EPS15: variants seen among roughly 807,000 people sequenced by gnomAD.
EPS15 encodes the protein epidermal growth factor receptor pathway substrate 15, also known as epidermal growth factor receptor substrate 15.
Under a neutral mutation model 113.8 loss-of-function variants are expected in EPS15, and 72 were observed. The observed-to-expected ratio is 0.63, with a 90% CI of 0.52 to 0.77. EPS15 has a LOEUF of 0.77. EPS15 is among the 30% of genes least tolerant of loss of function. The pLI is 0.00. For missense variants in EPS15, 1,048 were observed against 1,045.8 expected (o/e 1.00, Z -0.03); for synonymous variants, 344 against 363.4 (o/e 0.95, Z 0.61).
intron 1 of EPS15, among the ~76,000 whole-genome samples, chr1:51,501,375 G>A (rs1471501439): frequency 6.6e-6 from 1 of 152,076 alleles, no homozygotes; most frequent in African/African-American, 2.4e-5. Context: ...ACCATTGTCA[G>A]CCTGGGTAAC....
chr1:51,498,762 T>C (rs1486759756), intron 1 of EPS15, among the ~76,000 whole-genome samples: 1 of 152,188 alleles, frequency 6.6e-6, no homozygotes, highest in Non-Finnish European at 1.5e-5. Flanking sequence ...ACCTGGTAAA[T>C]ACATTTCTAT....
intron 1 of EPS15, 25 bp from the exon 2 acceptor site, chr1:51,481,339 T>A (rs1256285440): frequency 2.0e-6 from 2 of 986,720 alleles, no homozygotes; most frequent in African/African-American, 3.2e-5. Context: ...TTAATAAAAA[T>A]TAGATGCTAT....
Position 51,406,446 on chromosome 1 carries a change from G to C in EPS15, c.1474-338C>G, listed in dbSNP as rs553789650. The stretch of plus-strand genomic sequence containing the variant: ...GCCATGATCACACCACTGCACTCGA[G>C]TGACAGAATGAGACCCTGTCTCAAA... On this transcript the variant is annotated intron_variant, in intron 15 of 24. Coordinates refer to ENST00000371733, the MANE Select transcript of EPS15 (RefSeq NM_001981.3). Among the ~76,000 whole-genome samples, 3 of 152,220 alleles carry C rather than the reference G, an allele frequency of 2.0e-5. No homozygotes were observed. In the South Asian group the frequency reaches 6.2e-4, roughly 32 times the overall value.
At chr1:51,395,523 T>TACACACACACACACAC (rs139866618) in intron 20 of EPS15, among the ~76,000 whole-genome samples, 2 of 150,568 alleles carry the variant, frequency 1.3e-5, no homozygotes, top group Non-Finnish European at 3.0e-5. Context: ...CATACACACA[T>TACACACACACACACAC]ACACACACAC....
chr1:51,519,235 GT>G lies in EPS15; in HGVS notation c.-5del. ...AGAGCTGGGCCGCCGCAGCCATGGT[GT>G]TTCCATCATGCAAGGGAGGGGAAGG... On this transcript the variant is annotated 5_prime_UTR_variant, in exon 1 of 25. Transcript: ENST00000371733. 1 of 1,236,810 alleles carries G rather than the reference GT, an allele frequency of 8.1e-7. No individual in the cohort carries two copies. The highest frequency in any genetic ancestry group is 1.8e-5 in the South Asian group (1 of 54,802). 76.6% of individuals were successfully genotyped at this position (1,236,810 alleles called of 1,614,324 possible).
intron 5 of EPS15, 25 bp from the exon 6 acceptor site, chr1:51,465,351 A>C (rs956178365): frequency 6.5e-7 from 1 of 1,527,400 alleles, no homozygotes. Flanking sequence ...AAAGCACAAC[A>C]AGAGTTGAAA....
At chr1:51,474,967 T>C (rs1040785213) in intron 2 of EPS15, among the ~76,000 whole-genome samples, 1 of 152,056 alleles carries the variant, frequency 6.6e-6, no homozygotes, top group Admixed American at 6.6e-5. Flanking sequence ...TTGCTCAGAA[T>C]GATGGTTTCC....
At chr1:51,508,282 AAG>A (rs1233949709) in intron 1 of EPS15, among the ~76,000 whole-genome samples, 1 of 142,188 alleles carries the variant, frequency 7.0e-6, no homozygotes, top group Non-Finnish European at 1.5e-5. Context: ...GAAAGAGAGA[AAG>A]AGAGAAAGAG....
At chr1:51,366,427 A>C (rs894288337) in intron 21 of EPS15, among the ~76,000 whole-genome samples, 6 of 152,206 alleles carry the variant, frequency 3.9e-5, no homozygotes, top group African/African-American at 1.4e-4. Flanking sequence ...GAAAACATAC[A>C]ATCTCAAATA....
Position 51,364,012 on chromosome 1 carries a change from G to C in EPS15, c.2213C>G (p.Pro738Arg). The change falls in exon 23 of 25, where the codon CCT becomes CGT. Residue 738 changes from proline (P) to arginine (R), a missense_variant. Coordinates refer to ENST00000371733, the MANE Select transcript of EPS15 (RefSeq NM_001981.3). ...AGAGCTCGATGTGGCTGAACGAAAA[G>C]GATCTTCATTGTTGACCTTTGTTTA... ...STLSKVNNED[P>R]FRSATSSSVS... 8 of 1,611,766 alleles carry C rather than the reference G, an allele frequency of 5.0e-6. No homozygotes were observed. Among genetic ancestry groups the C allele is most frequent in the Non-Finnish European group, 6.8e-6 (8 of 1,178,792 alleles).
intron 7 of EPS15, 134 bp downstream of exon 7, chr1:51,463,539 C>T (rs1654627941): frequency 1.9e-6 from 1 of 532,098 alleles, no homozygotes; most frequent in South Asian, 3.8e-5. Context: ...AGTCAGAAAA[C>T]AAAAAATCCT....
At chr1:51,395,600 C>G (rs952105799) in intron 20 of EPS15, among the ~76,000 whole-genome samples, 2 of 152,138 alleles carry the variant, frequency 1.3e-5, no homozygotes, top group Non-Finnish European at 2.9e-5. Context: ...ATGTAAAAGT[C>G]TGGGATCAAG....
chr1:51,492,291 G>A (rs1418416583), intron 1 of EPS15, among the ~76,000 whole-genome samples: 1 of 152,060 alleles, frequency 6.6e-6, no homozygotes, highest in East Asian at 1.9e-4. Flanking sequence ...GCTACCTTCT[G>A]CAAACACGCT....
chr1:51,514,551 T>C (rs532905697), intron 1 of EPS15, among the ~76,000 whole-genome samples: 1 of 152,294 alleles, frequency 6.6e-6, no homozygotes, highest in South Asian at 2.1e-4. Context: ...AAAGAACAAG[T>C]AAAATATCTT....
At chr1:51,411,778 C>A (rs1465986076) in intron 13 of EPS15, among the ~76,000 whole-genome samples, 3 of 152,138 alleles carry the variant, frequency 2.0e-5, no homozygotes, top group African/African-American at 7.2e-5. Flanking sequence ...ATTAGTTCAA[C>A]CATTGTGGAA....
intron 12 of EPS15, among the ~76,000 whole-genome samples, chr1:51,439,748 G>A (rs1652438046): frequency 6.6e-6 from 1 of 151,764 alleles, no homozygotes; most frequent in Admixed American, 6.6e-5. Flanking sequence ...TCAGGTATCA[G>A]CTCTGCAGCT....
chr1:51,414,463 C>T (rs1650028095), intron 13 of EPS15, among the ~76,000 whole-genome samples: 1 of 151,868 alleles, frequency 6.6e-6, no homozygotes, highest in African/African-American at 2.4e-5. Context: ...GAATTCCTTA[C>T]TTTGTTCATA....
At chr1:51,484,904 T>C (rs1297760234) in intron 1 of EPS15, among the ~76,000 whole-genome samples, 3 of 152,234 alleles carry the variant, frequency 2.0e-5, no homozygotes, top group Admixed American at 6.5e-5. Flanking sequence ...AAGTCAATAG[T>C]ATGAAAACTC....
chr1:51,383,076 C>T (rs368587979), intron 21 of EPS15, among the ~76,000 whole-genome samples: 1 of 152,098 alleles, frequency 6.6e-6, no homozygotes, highest in Non-Finnish European at 1.5e-5. Context: ...GTTCAACATA[C>T]AAAAATCATT....
Sources: allele counts gnomAD v4.1 joint callset (sites outside exome capture counted in the v4.1 genomes callset), GRCh38; gene constraint gnomAD v4.1.1; transcripts MANE v1.5; gene names NCBI Gene and HGNC (gene_info 2026-07-23, HGNC 2026-07-21).